NPHP4: variants seen among roughly 807,000 people sequenced by gnomAD.
NPHP4 encodes the protein nephrocystin 4.
A neutral mutation model predicts 155.8 loss-of-function variants in NPHP4; 151 were observed. The ratio of observed to expected loss-of-function variants is 0.97; its 90% CI spans 0.85 to 1.11. NPHP4 has a LOEUF of 1.11. Ranked by LOEUF, NPHP4 falls within the 50% of genes least tolerant of loss-of-function variation. NPHP4 has a pLI of 0.00. For synonymous variants in NPHP4, 845 were observed against 816.8 expected, an observed-to-expected ratio of 1.03 and a Z score of -0.59; for missense variants, 1,956 against 1,925.7, an observed-to-expected ratio of 1.02 and a Z score of -0.29.
Position 5,874,530 on chromosome 1 carries a change from T to G in NPHP4, c.3172A>C (p.Thr1058Pro). ...APQLYLRPHE[T>P]AHVPFKFQSF... The stretch of plus-strand genomic sequence containing the variant: ...TGGAACTTGAAGGGGACGTGGGCGG[T>G]CTCGTGGGGGCGCAGGTAGAGCTGG... Residue 1058 changes from threonine to proline, a missense_variant, in exon 22 of 30, where the codon ACC becomes CCC. Transcript: ENST00000378156. The G allele has an allele frequency of 1.3e-6, 2 of 1,592,552 alleles. No homozygotes were observed. Among genetic ancestry groups the G allele is most frequent in the Non-Finnish European group, 1.7e-6 (2 of 1,169,722 alleles).
At chr1:5,939,095 C>T (rs796539502) in intron 9 of NPHP4, among the ~76,000 whole-genome samples, 36 of 152,084 alleles carry the variant, frequency 2.4e-4, no homozygotes, top group East Asian at 1.5e-3. Flanking sequence ...GCAAAGCTGC[C>T]GCAGGATAAA....
intron 3 of NPHP4, among the ~76,000 whole-genome samples, chr1:5,974,469 T>C (rs796145055): frequency 1.4e-4 from 21 of 152,194 alleles, no homozygotes; most frequent in African/African-American, 5.1e-4. Flanking sequence ...AAAAGAAAAC[T>C]GAGAAACTGC....
intron 18 of NPHP4, among the ~76,000 whole-genome samples, chr1:5,884,528 C>T (rs1262515478): frequency 3.4e-4 from 18 of 52,482 alleles, no homozygotes; most frequent in Middle Eastern, 9.1e-3. Context: ...AGCTCCCAGC[C>T]GAGCCCCCGT....
Position 5,948,172 on chromosome 1 carries a change from A to T in NPHP4, c.890T>A (p.Phe297Tyr). 1 of 1,613,054 alleles carries T rather than the reference A, an allele frequency of 6.2e-7. No individual in the cohort carries two copies. Among genetic ancestry groups the T allele is most frequent in the Non-Finnish European group, 8.5e-7 (1 of 1,179,694 alleles). ...LRVGVHNGLG[F>Y]VQRPQVVVLV... ...TACAACGACCTGCGGCCTCTGCACG[A>T]AGCCCAGACCATTGTGCACGCCCAC... is the stretch of plus-strand genomic sequence containing the variant. The change falls in exon 8 of 30, where the codon TTC becomes TAC. Residue 297 changes from phenylalanine to tyrosine, a missense_variant. Phe to Tyr is a conservative substitution (Grantham distance 22). Transcript: ENST00000378156.
chr1:5,870,575 A>G (rs1641893041), intron 23 of NPHP4, among the ~76,000 whole-genome samples: 1 of 152,220 alleles, frequency 6.6e-6, no homozygotes, highest in African/African-American at 2.4e-5. Flanking sequence ...CGGCCTCAGT[A>G]TCTCCCAACA....
intron 17 of NPHP4, 83 bp from the exon 18 acceptor site, chr1:5,887,549 A>G (rs1197262861): frequency 1.4e-6 from 2 of 1,460,296 alleles, no homozygotes; most frequent in Middle Eastern, 1.8e-4. Context: ...GCTGCTCCCC[A>G]GCCCAGCAGG....
intron 23 of NPHP4, among the ~76,000 whole-genome samples, chr1:5,870,278 G>T (rs1201777102): frequency 1.3e-5 from 2 of 152,336 alleles, no homozygotes; most frequent in East Asian, 3.9e-4. Flanking sequence ...TGAAGAGGCT[G>T]CCCTGGTTAG....
At chr1:5,986,900 G>T (rs997795581) in intron 1 of NPHP4, among the ~76,000 whole-genome samples, 2 of 152,070 alleles carry the variant, frequency 1.3e-5, no homozygotes, top group Admixed American at 1.3e-4. Context: ...CTGAAATACA[G>T]TCCTAGCGTT....
At chr1:5,947,979 G>T in intron 8 of NPHP4, 91 bp downstream of exon 8, 2 of 974,460 alleles carry the variant, frequency 2.1e-6, no homozygotes, top group Non-Finnish European at 3.3e-6. Flanking sequence ...TCCCACGTGG[G>T]TGAGTCAACA....
chr1:5,948,697 G>A (rs1004574172), intron 7 of NPHP4, among the ~76,000 whole-genome samples: 8 of 151,888 alleles, frequency 5.3e-5, no homozygotes, highest in Non-Finnish European at 8.8e-5. Context: ...TTCCCTGGAC[G>A]ACGATGGAGA....
intron 16 of NPHP4, among the ~76,000 whole-genome samples, chr1:5,895,842 T>C (rs945596166): frequency 2.2e-4 from 34 of 152,014 alleles, no homozygotes; most frequent in Admixed American, 2.2e-3. Flanking sequence ...CAGAGCATGA[T>C]GCGGCTACCG....
chr1:5,863,210 G>A lies in NPHP4; in HGVS notation c.*55C>T. The A allele has an allele frequency of 6.2e-7, 1 of 1,600,802 alleles. No individual in the cohort carries two copies. Reference sequence around the variant, plus strand: ...GGGGAGGACAGCCTGCAGGGCAGGAGGGGCACAGACAGGCCCCAGCTGGGT... The same window carrying A: ...GGGGAGGACAGCCTGCAGGGCAGGAAGGGCACAGACAGGCCCCAGCTGGGT... On this transcript the variant is annotated 3_prime_UTR_variant, in exon 30 of 30. Coordinates refer to ENST00000378156, the MANE Select transcript of NPHP4 (RefSeq NM_015102.5).
intron 6 of NPHP4, among the ~76,000 whole-genome samples, chr1:5,954,830 A>T (rs1208670937): frequency 6.6e-6 from 1 of 152,204 alleles, no homozygotes; most frequent in African/African-American, 2.4e-5. Flanking sequence ...GGATTTTTTT[A>T]AATAAAACCG....
chr1:5,922,402 T>G (rs939912236), intron 11 of NPHP4, among the ~76,000 whole-genome samples: 2 of 152,212 alleles, frequency 1.3e-5, no homozygotes, highest in Admixed American at 6.5e-5. Flanking sequence ...CACTTTATAT[T>G]TTGTCCCATT....
intron 19 of NPHP4, chr1:5,879,741 G>C: frequency 2.5e-6 from 1 of 396,746 alleles, no homozygotes; most frequent in South Asian, 1.9e-5. Flanking sequence ...TCCTGCCCTA[G>C]ATGCAGATGG....
chr1:5,921,201 A>G (rs185699858), intron 11 of NPHP4, among the ~76,000 whole-genome samples: 3 of 152,354 alleles, frequency 2.0e-5, no homozygotes, highest in East Asian at 3.9e-4. Flanking sequence ...CCTGATACGC[A>G]TAGATCTATT....
chr1:5,912,045 C>T (rs1008773155), intron 11 of NPHP4, among the ~76,000 whole-genome samples: 26 of 152,208 alleles, frequency 1.7e-4, no homozygotes, highest in Admixed American at 1.6e-3. Flanking sequence ...GGAGCAGCTG[C>T]GGTGAGCAGA....
At chr1:5,946,421 C>A (rs900709602) in intron 9 of NPHP4, among the ~76,000 whole-genome samples, 1 of 152,146 alleles carries the variant, frequency 6.6e-6, no homozygotes, top group Non-Finnish European at 1.5e-5. Flanking sequence ...ACACTACTGT[C>A]ATATAAAAAT....
At position 5,948,199 on chromosome 1, in the gene NPHP4, C is replaced by G; in HGVS notation, c.863G>C (p.Arg288Pro). 1 of 1,605,850 alleles carries G rather than the reference C, an allele frequency of 6.2e-7. No homozygotes were observed. Among genetic ancestry groups the G allele is most frequent in the South Asian group, 1.1e-5 (1 of 89,964 alleles). Residue 288 changes from arginine (R) to proline (P), a missense_variant, in exon 8 of 30, where the codon CGT becomes CCT. By Grantham distance (103) the Arg-to-Pro change is moderately radical. Coordinates refer to ENST00000378156, the MANE Select transcript of NPHP4 (RefSeq NM_015102.5). ...GCCCAGACCATTGTGCACGCCCACACGCAGGCGCCGCTCCAGGATCTCCAG... is the reference window on the plus strand; with the variant it reads ...GCCCAGACCATTGTGCACGCCCACAGGCAGGCGCCGCTCCAGGATCTCCAG... Reference protein sequence around the residue: ...GALEILERRLRVGVHNGLGFV... With the variant: ...GALEILERRLPVGVHNGLGFV...
Sources: gnomAD v4.1 joint callset for allele counts (sites outside exome capture counted in the v4.1 genomes callset) on GRCh38, gnomAD v4.1.1 for gene constraint, MANE v1.5 for transcripts, NCBI Gene and HGNC (gene_info 2026-07-23, HGNC 2026-07-21) for gene names.